The following AFAP1 variants were observed in gnomAD, a reference collection of about 807,000 sequenced individuals.
AFAP1 encodes actin filament associated protein 1.
A neutral mutation model predicts 93.9 loss-of-function variants in AFAP1; 75 were observed. The observed-to-expected ratio is 0.80, with a 90% CI of 0.66 to 0.97. The LOEUF is 0.97. Among genes scored for constraint, AFAP1 ranks in the 50% least tolerant of loss-of-function variants. The probability of loss-of-function intolerance (pLI) is 0.00; values close to 1 mark genes in which losing one functional copy is unlikely to be tolerated. For missense variants in AFAP1, 1,201 were observed against 1,050.8 expected (o/e 1.14, Z -1.98); for synonymous variants, 517 against 430.7 (o/e 1.20, Z -2.48).
rs151163798 is a variant in AFAP1 at position 7,811,389 on chromosome 4, C to T, written c.905-1626G>A. Among the ~76,000 whole-genome samples, 857 of 151,006 alleles carry T rather than the reference C, an allele frequency of 5.7e-3. 9 individuals are homozygous for T. The highest frequency in any genetic ancestry group is 0.02 in the African/African-American group (812 of 41,336). On this transcript the variant is annotated intron_variant, in intron 8 of 17. Transcript: ENST00000420658. The stretch of plus-strand genomic sequence containing the variant: ...AGGAAGAGCGGCCAGGGACACAAGA[C>T]GACGCGCCCTGGCCTAACTCCTAAA...
At chr4:7,783,871 G>C (rs1031962463) in intron 12 of AFAP1, among the ~76,000 whole-genome samples, 1 of 152,166 alleles carries the variant, frequency 6.6e-6, no homozygotes, top group Non-Finnish European at 1.5e-5. Context: ...AAGGGTCTTT[G>C]GGGGGGACGG....
At chr4:7,908,693 T>C (rs1719560927) in intron 1 of AFAP1, among the ~76,000 whole-genome samples, 1 of 152,080 alleles carries the variant, frequency 6.6e-6, no homozygotes, top group Non-Finnish European at 1.5e-5. Flanking sequence ...GAAATTCTAG[T>C]ATAAAGAGGA....
At chr4:7,930,911 CGACT>C (rs943350719) in intron 1 of AFAP1, among the ~76,000 whole-genome samples, 2 of 152,144 alleles carry the variant, frequency 1.3e-5, no homozygotes, top group Non-Finnish European at 2.9e-5. Flanking sequence ...ACACTACAAC[CGACT>C]AATTTTTGTA....
intron 9 of AFAP1, among the ~76,000 whole-genome samples, chr4:7,805,386 C>A (rs1366590898): frequency 6.6e-6 from 1 of 152,210 alleles, no homozygotes; most frequent in African/African-American, 2.4e-5. Flanking sequence ...TGGGGCCTTT[C>A]CTTTCTCTCA....
At chr4:7,875,055 CTTCA>C (rs1023747129) in intron 1 of AFAP1, among the ~76,000 whole-genome samples, 2 of 152,256 alleles carry the variant, frequency 1.3e-5, no homozygotes, top group African/African-American at 4.8e-5. Context: ...ACTTTAAGAT[CTTCA>C]TTCATTTATT....
At chr4:7,785,172 A>C (rs1717143576) in intron 12 of AFAP1, among the ~76,000 whole-genome samples, 1 of 152,196 alleles carries the variant, frequency 6.6e-6, no homozygotes, top group Non-Finnish European at 1.5e-5. Context: ...ATCAGGCAGG[A>C]TGCTCAATAC....
chr4:7,902,366 C>T lies in AFAP1; in HGVS notation c.-2-30286G>A, dbSNP rs569280552. Among the ~76,000 whole-genome samples the T allele has an allele frequency of 7.9e-5, 12 of 152,310 alleles. No homozygotes were observed. In the South Asian group the frequency reaches 2.5e-3, roughly 32 times the overall value. ...CTATTAGAGAACAGAGTTGGTGCTG[C>T]ATCTGTCTTCCTAAAATTATGGGTA... On this transcript the variant is annotated intron_variant, in intron 1 of 17. Coordinates refer to ENST00000420658, the MANE Select transcript of AFAP1 (RefSeq NM_001134647.2).
At chr4:7,846,097 G>C (rs144049201) in intron 4 of AFAP1, among the ~76,000 whole-genome samples, 1 of 152,338 alleles carries the variant, frequency 6.6e-6, no homozygotes, top group African/African-American at 2.4e-5. Context: ...ATGCTGCCAA[G>C]GCACAGGGGG....
At chr4:7,843,876 G>C (rs1481955470) in intron 4 of AFAP1, 1 of 163,546 alleles carries the variant, frequency 6.1e-6, no homozygotes, top group Non-Finnish European at 1.4e-5. Context: ...AACTTTGACA[G>C]AAATGTACAC....
At chr4:7,863,919 C>T (rs894616391) in intron 3 of AFAP1, among the ~76,000 whole-genome samples, 12 of 152,170 alleles carry the variant, frequency 7.9e-5, no homozygotes, top group Non-Finnish European at 1.3e-4. Context: ...CTAAAAGAGC[C>T]CTTCAATGGC....
chr4:7,770,104 T>C (rs769174812), intron 16 of AFAP1, among the ~76,000 whole-genome samples: 12 of 152,140 alleles, frequency 7.9e-5, no homozygotes, highest in Non-Finnish European at 1.6e-4. Context: ...GGACAGAGGA[T>C]GGCACCAAGG....
At chr4:7,906,190 G>A (rs144451562) in intron 1 of AFAP1, among the ~76,000 whole-genome samples, 260 of 152,288 alleles carry the variant, frequency 1.7e-3, no homozygotes, top group African/African-American at 5.8e-3. Context: ...CTAGAAGCCC[G>A]AGCCTCTACT....
At chr4:7,899,583 T>C (rs1718997611) in intron 1 of AFAP1, among the ~76,000 whole-genome samples, 1 of 152,222 alleles carries the variant, frequency 6.6e-6, no homozygotes, top group African/African-American at 2.4e-5. Flanking sequence ...TCATTATCAA[T>C]GGCATGTAAA....
At chr4:7,886,524 G>A (rs1446426183) in intron 1 of AFAP1, among the ~76,000 whole-genome samples, 4 of 152,154 alleles carry the variant, frequency 2.6e-5, no homozygotes, top group African/African-American at 9.7e-5. Context: ...TCCTGGGAAT[G>A]TTCCTTTCTG....
chr4:7,825,214 T>C (rs1036013055), intron 6 of AFAP1, among the ~76,000 whole-genome samples: 1 of 152,176 alleles, frequency 6.6e-6, no homozygotes, highest in African/African-American at 2.4e-5. Context: ...CCCCAAAATA[T>C]CATAACGAGT....
At chr4:7,798,121 TCACA>T in intron 10 of AFAP1, among the ~76,000 whole-genome samples, 1 of 112,370 alleles carries the variant, frequency 8.9e-6, no homozygotes, top group African/African-American at 3.2e-5. Context: ...ATTGGCTGGC[TCACA>T]GCACTGCAAC....
intron 7 of AFAP1, among the ~76,000 whole-genome samples, chr4:7,817,401 G>A (rs1720569243): frequency 6.6e-6 from 1 of 152,158 alleles, no homozygotes; most frequent in Admixed American, 6.5e-5. Context: ...AGGAGTTCGA[G>A]ACCAGCCTGA....
At chr4:7,906,842 GA>G (rs1560230491) in intron 1 of AFAP1, among the ~76,000 whole-genome samples, 1 of 152,098 alleles carries the variant, frequency 6.6e-6, no homozygotes, top group African/African-American at 2.4e-5. Flanking sequence ...CCAATATGGC[GA>G]AGCCCCATCT....
At chr4:7,814,403 G>A (rs1720295132) in intron 8 of AFAP1, among the ~76,000 whole-genome samples, 1 of 152,170 alleles carries the variant, frequency 6.6e-6, no homozygotes, top group African/African-American at 2.4e-5. Flanking sequence ...CTATGACCAA[G>A]CAATCCACTC....
Sources: gnomAD v4.1 joint callset for allele counts (sites outside exome capture counted in the v4.1 genomes callset) on GRCh38, gnomAD v4.1.1 for gene constraint, MANE v1.5 for transcripts, NCBI Gene and HGNC (gene_info 2026-07-23, HGNC 2026-07-21) for gene names.